Variants in DTD1 observed in about 807,000 individuals in gnomAD.
The protein encoded by DTD1 is D-aminoacyl-tRNA deacylase 1.
In DTD1, 13 loss-of-function variants were observed where a neutral mutation model predicts 25.6. The ratio of observed to expected loss-of-function variants is 0.51; its 90% CI spans 0.33 to 0.81. The LOEUF is 0.81. Ranked by LOEUF, DTD1 falls within the 30% of genes least tolerant of loss-of-function variation. The probability of loss-of-function intolerance (pLI) is 0.02; values close to 1 mark genes in which losing one functional copy is unlikely to be tolerated. For synonymous variants in DTD1, 110 were observed against 103.6 expected (o/e 1.06, Z -0.37); for missense variants, 193 against 266.4 (o/e 0.72, Z 1.92).
At chr20:18,739,971 G>A (rs2061270857) in intron 4 of DTD1, among the ~76,000 whole-genome samples, 1 of 152,104 alleles carries the variant, frequency 6.6e-6, no homozygotes, top group Non-Finnish European at 1.5e-5. Flanking sequence ...TGTGGGCTGT[G>A]CCTGTCATTT....
At chr20:18,686,646 C>CTGTGTGTGTGTGTGTG (rs56350174) in intron 4 of DTD1, among the ~76,000 whole-genome samples, 2 of 148,938 alleles carry the variant, frequency 1.3e-5, no homozygotes, top group Admixed American at 6.7e-5. Flanking sequence ...TATTTATTAG[C>CTGTGTGTGTGTGTGTG]TGTGTGTGTG....
intron 3 of DTD1, among the ~76,000 whole-genome samples, chr20:18,606,100 A>T (rs1225220064): frequency 1.1e-3 from 162 of 141,868 alleles, no homozygotes; most frequent in Middle Eastern, 3.5e-3. Flanking sequence ...AAACAACCCC[A>T]TCAAAAAGTG....
At position 18,676,590 on chromosome 20, in the gene DTD1, C is replaced by CTCAA. The variant is rs2060975826; in HGVS notation, c.477+48357_477+48358insTCAA. ...GAAAATTGACGGTTGTATGTTTGAA[C>CTCAA]CTTCATTTGTCTCTACCCACCCAAA... On this transcript the variant is annotated intron_variant, in intron 4 of 5. Coordinates refer to ENST00000377452, the MANE Select transcript of DTD1 (RefSeq NM_080820.6). Among the ~76,000 whole-genome samples, 6 of 152,266 alleles carry CTCAA rather than the reference C, an allele frequency of 3.9e-5. No individual in the cohort carries two copies. In the South Asian group the frequency reaches 1.2e-3, roughly 32 times the overall value.
intron 4 of DTD1, among the ~76,000 whole-genome samples, chr20:18,740,068 C>T (rs756753525): frequency 6.6e-5 from 10 of 152,100 alleles, no homozygotes; most frequent in African/African-American, 2.4e-4. Context: ...GTTTCTGCAT[C>T]TGTGGTGTCT....
intron 3 of DTD1, among the ~76,000 whole-genome samples, chr20:18,610,644 T>C (rs1428536584): frequency 6.6e-6 from 1 of 152,216 alleles, no homozygotes; most frequent in Non-Finnish European, 1.5e-5. Context: ...GTATGGTGGC[T>C]CTTGCCTGTA....
At chr20:18,717,817 C>T (rs2061187152) in intron 4 of DTD1, among the ~76,000 whole-genome samples, 2 of 152,172 alleles carry the variant, frequency 1.3e-5, no homozygotes, top group African/African-American at 2.4e-5. Context: ...TAGAACTTCT[C>T]ATTAACCAGC....
chr20:18,670,709 T>C (rs2060948772), intron 4 of DTD1, among the ~76,000 whole-genome samples: 2 of 152,218 alleles, frequency 1.3e-5, no homozygotes, highest in Admixed American at 1.3e-4. Flanking sequence ...TTTCTCCTGC[T>C]CACATCCAAT....
At chr20:18,733,902 G>T (rs1170939527) in intron 4 of DTD1, among the ~76,000 whole-genome samples, 1 of 152,178 alleles carries the variant, frequency 6.6e-6, no homozygotes, top group Admixed American at 6.5e-5. Flanking sequence ...TGCCACCACT[G>T]ACATAATGGC....
chr20:18,633,556 C>A (rs1438789392), intron 4 of DTD1, among the ~76,000 whole-genome samples: 1 of 152,170 alleles, frequency 6.6e-6, no homozygotes, highest in Non-Finnish European at 1.5e-5. Flanking sequence ...GTTTGTTTAG[C>A]AGTGGTGCTC....
chr20:18,707,755 G>GCA (rs1300925316), intron 4 of DTD1, among the ~76,000 whole-genome samples: 36 of 151,976 alleles, frequency 2.4e-4, no homozygotes, highest in African/African-American at 8.7e-4. Context: ...TAACACACAC[G>GCA]CGCGCACACA....
intron 4 of DTD1, among the ~76,000 whole-genome samples, chr20:18,743,015 G>A (rs892482506): frequency 2.6e-5 from 4 of 152,216 alleles, no homozygotes; most frequent in South Asian, 2.1e-4. Context: ...AGAAAATTCC[G>A]TGGTTCAAAA....
chr20:18,641,843 G>A (rs1019972120), intron 4 of DTD1, among the ~76,000 whole-genome samples: 1 of 152,120 alleles, frequency 6.6e-6, no homozygotes, highest in Admixed American at 6.5e-5. Flanking sequence ...GGTGTTTTCT[G>A]ATGTACAGAA....
chr20:18,667,958 G>T (rs181194646), intron 4 of DTD1, among the ~76,000 whole-genome samples: 1 of 152,178 alleles, frequency 6.6e-6, no homozygotes, highest in Non-Finnish European at 1.5e-5. Flanking sequence ...ATGCTTATAC[G>T]TGCGAAGGTG....
At chr20:18,593,931 C>T in intron 2 of DTD1, 110 bp downstream of exon 2, 1 of 777,154 alleles carries the variant, frequency 1.3e-6, no homozygotes, top group Non-Finnish European at 2.2e-6. Context: ...CACTTTTAAC[C>T]ATTGTCCCAT....
chr20:18,735,762 A>C (rs1289617025), intron 4 of DTD1, among the ~76,000 whole-genome samples: 2 of 152,158 alleles, frequency 1.3e-5, no homozygotes, highest in East Asian at 3.9e-4. Flanking sequence ...ACAAAAGTAA[A>C]CTAGGACATC....
intron 3 of DTD1, among the ~76,000 whole-genome samples, chr20:18,601,887 G>A (rs1179380553): frequency 2.0e-5 from 3 of 151,370 alleles, no homozygotes; most frequent in South Asian, 2.1e-4. Flanking sequence ...CCAAAGGAAC[G>A]CAGTTCCTCA....
At chr20:18,595,939 G>A in intron 2 of DTD1, 67 bp from the exon 3 acceptor site, 1 of 1,360,058 alleles carries the variant, frequency 7.4e-7, no homozygotes, top group Non-Finnish European at 1.1e-6. Context: ...TGACATTTTT[G>A]GGGTATGGAG....
chr20:18,708,261 TA>T lies in DTD1; in HGVS notation c.478-35838del, dbSNP rs1195306558. ...ATATATATAATATATATTATATATA[TA>T]TTTTATATATATATAATATATATTA... On this transcript the variant is annotated intron_variant, in intron 4 of 5. Coordinates refer to ENST00000377452, the MANE Select transcript of DTD1 (RefSeq NM_080820.6). 1.8e-3 allele frequency among the ~76,000 whole-genome samples: 49 copies of T among 27,776 alleles called. 2 individuals are homozygous for T. Among genetic ancestry groups the T allele is most frequent in the Non-Finnish European group, 2.7e-3 (36 of 13,140 alleles). The allele number at this position is 27,776 out of a possible 152,430, so 18.2% of individuals were successfully genotyped here. A position where few individuals can be genotyped will look rare whatever the true frequency, so the allele number is the denominator to read the frequency against.
chr20:18,741,210 G>A (rs2061276734), intron 4 of DTD1, among the ~76,000 whole-genome samples: 1 of 152,228 alleles, frequency 6.6e-6, no homozygotes, highest in Non-Finnish European at 1.5e-5. Context: ...GTGTGTATAT[G>A]TGTATGCACA....
Sources: gnomAD v4.1 joint callset for allele counts (sites outside exome capture counted in the v4.1 genomes callset) on GRCh38, gnomAD v4.1.1 for gene constraint, MANE v1.5 for transcripts, NCBI Gene and HGNC (gene_info 2026-07-23, HGNC 2026-07-21) for gene names.